The following CYP2C19 variants were observed in gnomAD, a reference collection of about 807,000 sequenced individuals.
CYP2C19 encodes cytochrome P450 family 2 subfamily C member 19.
A neutral mutation model predicts 40.9 loss-of-function variants in CYP2C19; 59 were observed. The ratio of observed to expected loss-of-function variants is 1.44; its 90% confidence interval spans 1.17 to 1.79. The LOEUF is 1.79. Among genes scored for constraint, CYP2C19 ranks in the 40% most tolerant of loss-of-function variants. CYP2C19 has a pLI of 0.00. For synonymous variants in CYP2C19, 253 were observed against 208.7 expected (o/e 1.21, Z -1.83); for missense variants, 754 against 596.9 (o/e 1.26, Z -2.74).
intron 5 of CYP2C19, among the ~76,000 whole-genome samples, chr10:94,800,217 G>A (rs1457237054): frequency 6.6e-6 from 1 of 152,202 alleles, no homozygotes. Flanking sequence ...TGATGTTGAT[G>A]CTATTCCTTT....
intron 5 of CYP2C19, among the ~76,000 whole-genome samples, chr10:94,797,957 A>T (rs1326861135): frequency 6.6e-6 from 1 of 151,714 alleles, no homozygotes; most frequent in Non-Finnish European, 1.5e-5. Context: ...GGATTCATTG[A>T]TTTTTTTAAA....
chr10:94,841,811 T>C (rs1476050442), intron 6 of CYP2C19, among the ~76,000 whole-genome samples: 1 of 152,220 alleles, frequency 6.6e-6, no homozygotes, highest in Non-Finnish European at 1.5e-5. Context: ...CCAAAATTCC[T>C]TGTGTTACTG....
chr10:94,829,638 G>A (rs1487745845), intron 6 of CYP2C19, among the ~76,000 whole-genome samples: 1 of 151,710 alleles, frequency 6.6e-6, no homozygotes, highest in Non-Finnish European at 1.5e-5. Context: ...ATCGTCTGAA[G>A]CCTTCTTCTC....
chr10:94,803,264 T>G (rs1848790111), intron 5 of CYP2C19, among the ~76,000 whole-genome samples: 2 of 152,160 alleles, frequency 1.3e-5, no homozygotes, highest in Non-Finnish European at 2.9e-5. Context: ...TTTTTCCCTC[T>G]CCCTTCCAAT....
At chr10:94,828,952 G>A (rs903142651) in intron 6 of CYP2C19, among the ~76,000 whole-genome samples, 1 of 151,954 alleles carries the variant, frequency 6.6e-6, no homozygotes, top group East Asian at 1.9e-4. Flanking sequence ...TGAAATTCTG[G>A]GTTGAAAATT....
intron 5 of CYP2C19, among the ~76,000 whole-genome samples, chr10:94,818,829 T>C (rs1478993095): frequency 6.6e-6 from 1 of 151,722 alleles, no homozygotes; most frequent in Non-Finnish European, 1.5e-5. Flanking sequence ...AATCATGTCG[T>C]CTGCAAACAG....
chr10:94,763,057 G>T (rs1478988600), intron 1 of CYP2C19, among the ~76,000 whole-genome samples, 184 bp downstream of exon 1: 1 of 152,084 alleles, frequency 6.6e-6, no homozygotes, highest in Non-Finnish European at 1.5e-5. Flanking sequence ...AATATATTTT[G>T]TTATTAGAGA....
chr10:94,778,317 A>G (rs1214286369), intron 3 of CYP2C19, among the ~76,000 whole-genome samples: 3 of 152,146 alleles, frequency 2.0e-5, no homozygotes, highest in African/African-American at 7.2e-5. Flanking sequence ...CCTCACGGTC[A>G]GAGAACAGCT....
intron 1 of CYP2C19, 45 bp from the exon 2 acceptor site, chr10:94,775,013 C>G (rs1051188215): frequency 1.3e-6 from 2 of 1,599,230 alleles, no homozygotes; most frequent in Admixed American, 3.4e-5. Flanking sequence ...AGTAAATGGA[C>G]AAAACAGTGA....
chr10:94,804,000 G>A (rs4494250), intron 5 of CYP2C19, among the ~76,000 whole-genome samples: 42,135 of 151,920 alleles, frequency 0.28, 7,326 homozygotes, highest in Admixed American at 0.43. Context: ...TGCTCTAAAT[G>A]CTTAGCAGTC....
At chr10:94,837,652 C>T (rs188753318) in intron 6 of CYP2C19, among the ~76,000 whole-genome samples, 2 of 152,278 alleles carry the variant, frequency 1.3e-5, no homozygotes, top group African/African-American at 2.4e-5. Flanking sequence ...AGTGACAGAT[C>T]TGGAGGACAG....
At chr10:94,796,020 ATTTTGGCTTTTGTTGCCATTGCT>A (rs1306477519) in intron 5 of CYP2C19, among the ~76,000 whole-genome samples, 1 of 152,056 alleles carries the variant, frequency 6.6e-6, no homozygotes, top group Non-Finnish European at 1.5e-5. Flanking sequence ...CCATTTGTCA[ATTTTGGCTTTTGTTGCCATTGCT>A]TTTTGTGTTT....
At chr10:94,824,249 T>G (rs528690375) in intron 6 of CYP2C19, among the ~76,000 whole-genome samples, 3 of 152,248 alleles carry the variant, frequency 2.0e-5, no homozygotes, top group African/African-American at 7.2e-5. Context: ...AAAAGCAGTG[T>G]GGAAAAATTA....
At chr10:94,835,769 G>GTA (rs200684934) in intron 6 of CYP2C19, among the ~76,000 whole-genome samples, 3 of 152,016 alleles carry the variant, frequency 2.0e-5, no homozygotes, top group Non-Finnish European at 4.4e-5. Flanking sequence ...ACTTAGATCT[G>GTA]TATATATATA....
intron 5 of CYP2C19, among the ~76,000 whole-genome samples, chr10:94,792,358 A>T (rs1254541743): frequency 6.6e-6 from 1 of 152,112 alleles, no homozygotes; most frequent in African/African-American, 2.4e-5. Context: ...GCCCATTTAC[A>T]TTTAAGGTTA....
intron 7 of CYP2C19, among the ~76,000 whole-genome samples, chr10:94,848,435 A>T (rs1001425504): frequency 3.9e-5 from 6 of 152,142 alleles, no homozygotes; most frequent in Non-Finnish European, 7.4e-5. Context: ...CCATTGGTCT[A>T]CATCTCTGTT....
chr10:94,817,179 G>C (rs1463561315), intron 5 of CYP2C19, among the ~76,000 whole-genome samples: 1 of 146,644 alleles, frequency 6.8e-6, no homozygotes, highest in Non-Finnish European at 1.5e-5. Context: ...GGTTGAACTA[G>C]TTTACAGTCC....
rs545426602 is a variant in CYP2C19 at position 94,779,815 on chromosome 10, C to T, written c.482-684C>T. The stretch of plus-strand genomic sequence containing the variant: ...CCTCAGGTGATCCACCTGCCTTGGC[C>T]TCCCAAAGTGCTGGGATTACAGGCA... On this transcript the variant is annotated intron_variant, in intron 3 of 8. Coordinates refer to ENST00000371321, the MANE Select transcript of CYP2C19 (RefSeq NM_000769.4). Among the ~76,000 whole-genome samples the T allele has an allele frequency of 4.6e-5, 7 of 152,210 alleles. No individual in the cohort carries two copies. The South Asian group carries it at 1.2e-3, about 27-fold the overall frequency.
intron 5 of CYP2C19, among the ~76,000 whole-genome samples, chr10:94,800,340 G>A (rs1387222532): frequency 6.6e-6 from 1 of 152,088 alleles, no homozygotes; most frequent in East Asian, 1.9e-4. Context: ...GGAGGCTGCA[G>A]AACAGCAAAT....
Sources: allele counts gnomAD v4.1 joint callset (sites outside exome capture counted in the v4.1 genomes callset), GRCh38; gene constraint gnomAD v4.1.1; transcripts MANE v1.5; gene names NCBI Gene and HGNC (gene_info 2026-07-23, HGNC 2026-07-21).